The following CARMIL1 variants were observed in gnomAD, a reference collection of about 807,000 sequenced individuals.
The protein encoded by CARMIL1 is capping protein regulator and myosin 1 linker 1.
Under a neutral mutation model 177.1 loss-of-function variants are expected in CARMIL1, and 90 were observed. The ratio of observed to expected loss-of-function variants is 0.51; its 90% CI spans 0.43 to 0.61. The LOEUF is 0.61. Ranked by LOEUF, CARMIL1 falls within the 20% of genes least tolerant of loss-of-function variation. The pLI is 0.00. For missense variants in CARMIL1, 1,380 were observed against 1,667.0 expected (o/e 0.83, Z 3.00); for synonymous variants, 577 against 606.2 (o/e 0.95, Z 0.71).
chr6:25,618,977 G>A (rs569932135), intron 36 of CARMIL1, among the ~76,000 whole-genome samples: 26 of 152,204 alleles, frequency 1.7e-4, no homozygotes, highest in Non-Finnish European at 3.7e-4. Context: ...GGAATGACAA[G>A]CCCCAAATCA....
intron 31 of CARMIL1, 120 bp from the exon 32 acceptor site, chr6:25,594,295 C>G (rs1582470457): frequency 2.5e-5 from 15 of 602,294 alleles, no homozygotes; most frequent in Non-Finnish European, 4.1e-5. Flanking sequence ...ATTACGTGGT[C>G]CCTATTTTAG....
rs565068037 is a variant in CARMIL1 at position 25,320,158 on chromosome 6, T to C, written c.138+35249T>C. Among the ~76,000 whole-genome samples, 13 of 152,306 alleles carry C rather than the reference T, an allele frequency of 8.5e-5. No homozygotes were observed. The South Asian group carries it at 2.7e-3, about 32-fold the overall frequency. ...CCAGCAAGGTAGGTAGGATAGTATATTCTCTGTCTTCTTCCTCCTGCCCAC... is the reference window on the plus strand; with the variant it reads ...CCAGCAAGGTAGGTAGGATAGTATACTCTCTGTCTTCTTCCTCCTGCCCAC... On this transcript the variant is annotated intron_variant, in intron 2 of 36. Coordinates refer to ENST00000329474, the MANE Select transcript of CARMIL1 (RefSeq NM_017640.6).
chr6:25,578,134 C>T (rs547597957), intron 29 of CARMIL1, among the ~76,000 whole-genome samples: 7 of 152,220 alleles, frequency 4.6e-5, no homozygotes, highest in South Asian at 2.1e-4. Context: ...CTTTTTCAAA[C>T]GCTGACCCCC....
intron 11 of CARMIL1, among the ~76,000 whole-genome samples, chr6:25,480,607 CTTTATA>C (rs936790662): frequency 1.6e-3 from 227 of 146,056 alleles, no homozygotes; most frequent in African/African-American, 5.4e-3. Flanking sequence ...TAATTTGAGT[CTTTATA>C]TTTATATAAT....
chr6:25,399,799 A>G (rs1252876986), intron 2 of CARMIL1, among the ~76,000 whole-genome samples: 2 of 152,192 alleles, frequency 1.3e-5, no homozygotes, highest in African/African-American at 4.8e-5. Flanking sequence ...TCGGCCTTTC[A>G]GAGAGCTGTT....
rs575682710 is a variant in CARMIL1 at position 25,361,153 on chromosome 6, G to A, written c.139-58961G>A. 1.2e-4 allele frequency among the ~76,000 whole-genome samples: 18 copies of A among 152,060 alleles called. No homozygotes were observed. In the South Asian group the frequency reaches 2.9e-3, roughly 25 times the overall value. ...ATAATTGAGCAGATTTTGAAGTTTC[G>A]CTCAAATCTTGTTTGTATTTAAGAA... On this transcript the variant is annotated intron_variant, in intron 2 of 36. Coordinates refer to ENST00000329474, the MANE Select transcript of CARMIL1 (RefSeq NM_017640.6).
intron 12 of CARMIL1, among the ~76,000 whole-genome samples, chr6:25,484,994 C>T (rs1802482143): frequency 6.6e-6 from 1 of 152,080 alleles, no homozygotes; most frequent in South Asian, 2.1e-4. Context: ...ATGACAGGGC[C>T]ACTGCACTCC....
intron 20 of CARMIL1, among the ~76,000 whole-genome samples, chr6:25,514,736 A>G (rs576100923): frequency 3.3e-4 from 50 of 152,202 alleles, no homozygotes; most frequent in Admixed American, 1.2e-3. Flanking sequence ...AGCCTTGGCA[A>G]CATAGTGAGA....
At chr6:25,329,336 G>A (rs1417612008) in intron 2 of CARMIL1, among the ~76,000 whole-genome samples, 1 of 152,140 alleles carries the variant, frequency 6.6e-6, no homozygotes, top group Non-Finnish European at 1.5e-5. Context: ...GCTCTTTTCA[G>A]CTTTCTGCCA....
chr6:25,422,307 G>GT (rs1024808938), intron 3 of CARMIL1, among the ~76,000 whole-genome samples: 7 of 152,142 alleles, frequency 4.6e-5, no homozygotes, highest in African/African-American at 1.7e-4. Context: ...CCACTGTTTT[G>GT]TAAATTCTGA....
chr6:25,488,377 C>A, intron 12 of CARMIL1, 105 bp from the exon 13 acceptor site: 1 of 835,938 alleles, frequency 1.2e-6, no homozygotes, highest in Admixed American at 1.7e-5. Context: ...TCATGGTTAA[C>A]CTCAGTCCTG....
intron 12 of CARMIL1, among the ~76,000 whole-genome samples, chr6:25,483,813 G>C (rs996715336): frequency 1.3e-5 from 2 of 151,726 alleles, no homozygotes; most frequent in Admixed American, 6.6e-5. Flanking sequence ...TGTCACCTAG[G>C]CTGGAGTGCA....
intron 35 of CARMIL1, among the ~76,000 whole-genome samples, chr6:25,609,456 A>G (rs1255299563): frequency 1.2e-4 from 15 of 124,178 alleles, no homozygotes; most frequent in Non-Finnish European, 3.4e-5. Flanking sequence ...ACAGAGCAAG[A>G]CTCCATCTCA....
chr6:25,595,832 C>G (rs1322637481), intron 32 of CARMIL1, among the ~76,000 whole-genome samples: 1 of 152,104 alleles, frequency 6.6e-6, no homozygotes, highest in Non-Finnish European at 1.5e-5. Flanking sequence ...GCTTTCAAGG[C>G]TTTTTTCCCA....
chr6:25,526,549 C>T (rs1398379803), intron 23 of CARMIL1, among the ~76,000 whole-genome samples: 1 of 151,140 alleles, frequency 6.6e-6, no homozygotes, highest in Non-Finnish European at 1.5e-5. Context: ...TCCTTCTCTT[C>T]TGTTCTTTTT....
At chr6:25,283,312 G>T (rs1304237759) in intron 1 of CARMIL1, among the ~76,000 whole-genome samples, 1 of 152,180 alleles carries the variant, frequency 6.6e-6, no homozygotes, top group Non-Finnish European at 1.5e-5. Flanking sequence ...CTGTGGTTAT[G>T]GAGGTGACAG....
intron 2 of CARMIL1, among the ~76,000 whole-genome samples, chr6:25,395,548 T>C (rs1401565095): frequency 6.6e-6 from 1 of 152,266 alleles, no homozygotes; most frequent in Non-Finnish European, 1.5e-5. Flanking sequence ...GAAATAGAGA[T>C]AATGACCGTT....
chr6:25,488,613 TC>T (rs1480337917), intron 13 of CARMIL1, 28 bp downstream of exon 13: 22 of 1,528,942 alleles, frequency 1.4e-5, no homozygotes, highest in Non-Finnish European at 2.0e-5. Flanking sequence ...TATTCCATCT[TC>T]GAAGAAGCTG....
At chr6:25,420,705 A>G (rs1309342894) in intron 3 of CARMIL1, among the ~76,000 whole-genome samples, 3 of 152,356 alleles carry the variant, frequency 2.0e-5, no homozygotes, top group Non-Finnish European at 2.9e-5. Flanking sequence ...AAATAACAAG[A>G]TGCCACTCTG....
Sources: gnomAD v4.1 joint callset for allele counts (sites outside exome capture counted in the v4.1 genomes callset) on GRCh38, gnomAD v4.1.1 for gene constraint, MANE v1.5 for transcripts, NCBI Gene and HGNC (gene_info 2026-07-23, HGNC 2026-07-21) for gene names.